Variants in PIEZO2 observed in about 807,000 individuals in gnomAD.
PIEZO2 encodes piezo-type mechanosensitive ion channel component 2.
PIEZO2 carries 172 observed loss-of-function variants against 337.3 expected under a neutral mutation model. The observed-to-expected ratio is 0.51, with a 90% CI of 0.45 to 0.58. The LOEUF is 0.58. PIEZO2 is among the 20% of genes least tolerant of loss of function. The pLI, the probability that PIEZO2 is intolerant of heterozygous loss-of-function variation, is 0.00. For missense variants in PIEZO2, 3,028 were observed against 3,391.3 expected (o/e 0.89, Z 2.66); for synonymous variants, 1,251 against 1,228.5 (o/e 1.02, Z -0.38).
At chr18:10,740,210 T>G (rs1367017189) in intron 33 of PIEZO2, 1 of 152,380 alleles carries the variant, frequency 6.6e-6, no homozygotes, top group African/African-American at 2.4e-5. Context: ...CCTATAGTGA[T>G]ATTTTCTTTG....
At chr18:11,095,728 A>G (rs576863782) in intron 1 of PIEZO2, among the ~76,000 whole-genome samples, 1 of 152,310 alleles carries the variant, frequency 6.6e-6, no homozygotes, top group South Asian at 2.1e-4. Flanking sequence ...CCTACTTCAT[A>G]TGATTCCTGG....
At chr18:10,701,473 G>A (rs771565233) in intron 43 of PIEZO2, among the ~76,000 whole-genome samples, 6 of 152,226 alleles carry the variant, frequency 3.9e-5, no homozygotes, top group Non-Finnish European at 8.8e-5. Context: ...CAACTTTAAA[G>A]AATATGTGGT....
chr18:11,018,524 T>C (rs2036202996), intron 2 of PIEZO2, among the ~76,000 whole-genome samples: 1 of 151,956 alleles, frequency 6.6e-6, no homozygotes, highest in Non-Finnish European at 1.5e-5. Context: ...TTGACGTAAT[T>C]GTGGTGTCTC....
intron 18 of PIEZO2, among the ~76,000 whole-genome samples, chr18:10,774,496 T>G (rs1215293872): frequency 6.6e-6 from 1 of 152,156 alleles, no homozygotes; most frequent in African/African-American, 2.4e-5. Flanking sequence ...GACGTCTGCA[T>G]CATGTCCCCA....
In PIEZO2 at chr18:11,129,122, G is replaced by A. The variant is rs1408656139; in HGVS notation, c.64+19403C>T. On this transcript the variant is annotated intron_variant, in intron 1 of 55. Coordinates refer to ENST00000674853, the MANE Select transcript of PIEZO2 (RefSeq NM_001378183.1). The surrounding 1 kb of genome is among the most constrained non-coding windows in gnomAD (Gnocchi z 4.6). ...TCCAAAGGCTTAGGGAGATTGGGAT[G>A]GTGGAGTGGATTAGTCACTTTAGAC... is the stretch of plus-strand genomic sequence containing the variant. 6.6e-6 allele frequency among the ~76,000 whole-genome samples: 1 copy of A among 152,186 alleles called. No individual in the cohort carries two copies. Among genetic ancestry groups the A allele is most frequent in the Non-Finnish European group, 1.5e-5 (1 of 68,038 alleles).
At chr18:10,869,364 C>A (rs993873019) in intron 5 of PIEZO2, among the ~76,000 whole-genome samples, 1 of 152,120 alleles carries the variant, frequency 6.6e-6, no homozygotes, top group Non-Finnish European at 1.5e-5. Context: ...GGCTTGAAAT[C>A]TGGATGACGG....
At position 10,724,358 on chromosome 18, in the gene PIEZO2, CAAAA is replaced by C. The variant is rs1355300845; in HGVS notation, c.5030-6103_5030-6100del. On this transcript the variant is annotated intron_variant, in intron 36 of 55. Transcript: ENST00000674853. The surrounding 1 kb of genome is among the most constrained non-coding windows in gnomAD (Gnocchi z 5.8). Reference sequence around the variant, plus strand: ...TGGGTGACAGAGCAAGACCCTGTCTCAAAAAACAAAAACGAAAACAAAAGTGCTT... The same window carrying C: ...TGGGTGACAGAGCAAGACCCTGTCTCAACAAAAACGAAAACAAAAGTGCTT... Among the ~76,000 whole-genome samples, 2 of 151,992 alleles carry C rather than the reference CAAAA, an allele frequency of 1.3e-5. No individual in the cohort carries two copies. Among genetic ancestry groups the C allele is most frequent in the Non-Finnish European group, 2.9e-5 (2 of 67,992 alleles).
At chr18:10,885,048 T>G (rs2144881048) in intron 4 of PIEZO2, among the ~76,000 whole-genome samples, 1 of 152,180 alleles carries the variant, frequency 6.6e-6, no homozygotes, top group South Asian at 2.1e-4. Context: ...CCTGTGTATC[T>G]TAGGAGAGGC....
In PIEZO2 at chr18:11,002,317, T is replaced by A. The variant is rs148373171; in HGVS notation, c.161-22657A>T. 1.6e-4 allele frequency among the ~76,000 whole-genome samples: 24 copies of A among 152,336 alleles called. No individual in the cohort carries two copies. In the East Asian group the frequency reaches 3.7e-3, roughly 23 times the overall value. On this transcript the variant is annotated intron_variant, in intron 2 of 55. Transcript: ENST00000674853. This position sits in a 1 kb window ranked among gnomAD's most constrained non-coding sequence, Gnocchi z 4.3. The stretch of plus-strand genomic sequence containing the variant: ...TAGGCTGTAGTTTGCTGATCCCTGC[T>A]CTAGCTGGAGAAAGCATACTTCAGA...
chr18:10,689,548 GT>G (rs1367030224), intron 49 of PIEZO2, 106 bp downstream of exon 49: 3 of 1,467,654 alleles, frequency 2.0e-6, no homozygotes, highest in Non-Finnish European at 2.8e-6. Context: ...GGTTGTGGTA[GT>G]TTTTGCCTCA....
At chr18:10,699,333 C>T (rs928418596) in intron 43 of PIEZO2, among the ~76,000 whole-genome samples, 156 bp from the exon 44 acceptor site, 1 of 152,178 alleles carries the variant, frequency 6.6e-6, no homozygotes, top group Non-Finnish European at 1.5e-5. Context: ...CTTGAATTCC[C>T]ACATGTTGTG....
Position 10,888,508 on chromosome 18 carries a change from G to A in PIEZO2, c.330-17093C>T, listed in dbSNP as rs544133378. 4.6e-5 allele frequency among the ~76,000 whole-genome samples: 7 copies of A among 152,072 alleles called. No homozygotes were observed. The highest frequency in any genetic ancestry group is 4.2e-4 in the South Asian group (2 of 4,812). ...TGGGCACTTGGAGTAGCATTGTTAC[G>A]GGGGCGACATTGCTTCTGGGTCCTC... is the stretch of plus-strand genomic sequence containing the variant. On this transcript the variant is annotated intron_variant, in intron 4 of 55. Coordinates refer to ENST00000674853, the MANE Select transcript of PIEZO2 (RefSeq NM_001378183.1). This position sits in a 1 kb window ranked among gnomAD's most constrained non-coding sequence, Gnocchi z 4.1.
Position 10,762,906 on chromosome 18 carries a change from C to G in PIEZO2, c.3123+16G>C. 1 of 1,534,644 alleles carries G rather than the reference C, an allele frequency of 6.5e-7. No individual in the cohort carries two copies. The highest frequency in any genetic ancestry group is 8.7e-7 in the Non-Finnish European group (1 of 1,145,352). ...TAAAGGGCAGTCAGGAATATTCCCC[C>G]ATCACCGAGGCTCACCAAGGAACAG... On this transcript the variant is annotated intron_variant, in intron 22 of 55. Transcript: ENST00000674853.
At chr18:10,994,559 G>A (rs1183831409) in intron 2 of PIEZO2, among the ~76,000 whole-genome samples, 1 of 151,490 alleles carries the variant, frequency 6.6e-6, no homozygotes, top group Non-Finnish European at 1.5e-5. Flanking sequence ...ACAGGTGCAT[G>A]CCACCATGCC....
intron 7 of PIEZO2, among the ~76,000 whole-genome samples, chr18:10,807,826 G>A (rs558129157): frequency 2.8e-4 from 42 of 152,144 alleles, no homozygotes; most frequent in Non-Finnish European, 3.1e-4. Context: ...TACCATTTAT[G>A]AGCAATTTGA....
intron 32 of PIEZO2, among the ~76,000 whole-genome samples, chr18:10,741,977 C>T (rs1377582565): frequency 6.6e-6 from 1 of 151,110 alleles, no homozygotes; most frequent in Admixed American, 6.6e-5. Flanking sequence ...CATGGTGAAA[C>T]CCTGTCTCTA....
At chr18:10,790,926 A>T (rs929580132) in intron 14 of PIEZO2, among the ~76,000 whole-genome samples, 2 of 152,082 alleles carry the variant, frequency 1.3e-5, no homozygotes, top group Admixed American at 1.3e-4. Context: ...GGATGGTCTC[A>T]ATGTCCTGAC....
chr18:10,704,172 G>A (rs531137505), intron 42 of PIEZO2: 8 of 592,718 alleles, frequency 1.3e-5, no homozygotes, highest in Admixed American at 3.0e-5. Context: ...CCCGCCGTGC[G>A]TGAGGTGTGC....
intron 7 of PIEZO2, among the ~76,000 whole-genome samples, chr18:10,840,441 G>A (rs946433389): frequency 3.9e-5 from 6 of 152,072 alleles, no homozygotes; most frequent in African/African-American, 1.2e-4. Flanking sequence ...GTTAGAGCTG[G>A]TCCTTTTTTA....
Sources: gnomAD v4.1 joint callset for allele counts (sites outside exome capture counted in the v4.1 genomes callset) on GRCh38, gnomAD v4.1.1 for gene constraint, Gnocchi (gnomAD v3.1) non-coding constraint, MANE v1.5 for transcripts, NCBI Gene and HGNC (gene_info 2026-07-23, HGNC 2026-07-21) for gene names.